The following BORCS7 variants were observed in gnomAD, a reference collection of about 807,000 sequenced individuals.
BORCS7 encodes BLOC-1 related complex subunit 7.
BORCS7 carries 20 observed loss-of-function variants against 17.5 expected under a neutral mutation model. That is an observed-to-expected ratio of 1.14 (90% CI 0.80 to 1.66). The LOEUF (loss-of-function observed/expected upper bound fraction) is 1.66. BORCS7 is among the 40% of genes most tolerant of loss of function. BORCS7 has a pLI of 0.00. For missense variants in BORCS7, 122 were observed against 129.7 expected (o/e 0.94, Z 0.29); for synonymous variants, 57 against 49.8 (o/e 1.14, Z -0.61).
chr10:102,861,894 A>G (rs17115168), intron 3 of BORCS7, among the ~76,000 whole-genome samples: 2,001 of 152,200 alleles, frequency 0.013, 31 homozygotes, highest in African/African-American at 0.04. Flanking sequence ...TACACAGACT[A>G]ATTTTAAGCC....
At chr10:102,860,273 GAGA>G (rs1410285839) in intron 1 of BORCS7, 56 bp from the exon 2 acceptor site, 31 of 1,468,890 alleles carry the variant, frequency 2.1e-5, no homozygotes, top group African/African-American at 2.8e-5. Context: ...CAGCTGCAGA[GAGA>G]AGATTACAGG....
chr10:102,861,738 AAAAC>A lies in BORCS7; in HGVS notation c.249-418_249-415del, dbSNP rs1474731698. On this transcript the variant is annotated intron_variant, in intron 3 of 4. Coordinates refer to ENST00000339834, the MANE Select transcript of BORCS7 (RefSeq NM_001136200.2). ...GTCTCAAAAAAAAAACAAAAAAACAAAAACAAAAGCAAACAAACAAAATATATAT... is the reference window on the plus strand; with the variant it reads ...GTCTCAAAAAAAAAACAAAAAAACAAAAAAGCAAACAAACAAAATATATAT... Among the ~76,000 whole-genome samples, 8 of 152,218 alleles carry A rather than the reference AAAAC, an allele frequency of 5.3e-5. No individual in the cohort carries two copies. In the East Asian group the frequency reaches 9.6e-4, roughly 18 times the overall value.
At chr10:102,862,774 C>T in intron 4 of BORCS7, 99 bp from the exon 5 acceptor site, 1 of 995,272 alleles carries the variant, frequency 1.0e-6, no homozygotes, top group Non-Finnish European at 1.6e-6. Context: ...ATAGTGAGAC[C>T]CTGTCTGTAA....
chr10:102,855,159 CTTT>C (rs945217993), intron 1 of BORCS7, among the ~76,000 whole-genome samples: 2 of 130,738 alleles, frequency 1.5e-5, no homozygotes, highest in Non-Finnish European at 3.3e-5. Flanking sequence ...AGTACTTTTC[CTTT>C]TTTTTTTTTT....
intron 1 of BORCS7, among the ~76,000 whole-genome samples, chr10:102,856,344 G>T (rs1431256262): frequency 2.6e-5 from 4 of 151,772 alleles, no homozygotes; most frequent in Non-Finnish European, 4.4e-5. Flanking sequence ...AAGCCCAGGG[G>T]TTCGAGACCA....
intron 1 of BORCS7, among the ~76,000 whole-genome samples, chr10:102,857,884 T>C (rs1468538644): frequency 1.3e-5 from 2 of 152,020 alleles, no homozygotes; most frequent in African/African-American, 4.8e-5. Context: ...AGGTGTAGGC[T>C]GGGCACGGTG....
rs60450831 is a variant in BORCS7, at chr10:102,863,349, G to GA, written c.*435dup. On this transcript the variant is annotated 3_prime_UTR_variant, in exon 5 of 5. Transcript: ENST00000339834. Reference sequence around the variant, plus strand: ...GATTCCATCTCCAAAAAAAAAAAAAGAAAAAAAAAAGAAAAGTTCTGTGTT... The same window carrying GA: ...GATTCCATCTCCAAAAAAAAAAAAAGAAAAAAAAAAAGAAAAGTTCTGTGTT... 22 of 90,632 alleles carry GA rather than the reference G, an allele frequency of 2.4e-4. No homozygotes were observed. Among genetic ancestry groups the GA allele is most frequent in the South Asian group, 5.4e-4 (2 of 3,712 alleles). 5.6% of individuals were successfully genotyped at this position (90,632 alleles called of 1,614,324 possible). A position where few individuals can be genotyped will look rare whatever the true frequency, so the allele number is the denominator to read the frequency against.
Position 102,854,398 on chromosome 10 carries a change from CAGGTG to C in BORCS7, c.113_117del (p.Gln38ProfsTer30). ...TACTGACGTAATCGCGCTCACCAAG[CAGGTG>C]CTGAAAGGCTCCCGGAGCTCCGAGG... On this transcript the variant is annotated frameshift_variant, in exon 1 of 5. Coordinates refer to ENST00000339834, the MANE Select transcript of BORCS7 (RefSeq NM_001136200.2). LOFTEE classifies it high-confidence loss of function. 1 of 1,551,678 alleles carries C rather than the reference CAGGTG, an allele frequency of 6.4e-7. No homozygotes were observed. The highest frequency in any genetic ancestry group is 1.2e-5 in the South Asian group (1 of 84,546).
At chr10:102,854,699 G>C (rs552251234) in intron 1 of BORCS7, among the ~76,000 whole-genome samples, 4 of 151,656 alleles carry the variant, frequency 2.6e-5, no homozygotes, top group Admixed American at 1.3e-4. Context: ...GATCACCTGA[G>C]GTCGGGAGTT....
At chr10:102,861,207 G>C (rs1035349452) in intron 3 of BORCS7, among the ~76,000 whole-genome samples, 2 of 151,998 alleles carry the variant, frequency 1.3e-5, no homozygotes, top group African/African-American at 4.8e-5. Context: ...CTGAGATCAG[G>C]GGTTCAAGAC....
chr10:102,856,653 G>A (rs559652167), intron 1 of BORCS7, among the ~76,000 whole-genome samples: 4 of 152,286 alleles, frequency 2.6e-5, no homozygotes, highest in African/African-American at 9.6e-5. Context: ...AATCTAAAAA[G>A]ATTCTGTAGT....
At chr10:102,855,793 C>T (rs186096745) in intron 1 of BORCS7, among the ~76,000 whole-genome samples, 1 of 152,296 alleles carries the variant, frequency 6.6e-6, no homozygotes, top group Admixed American at 6.5e-5. Flanking sequence ...GTCCCACTAG[C>T]TCTGTCACCC....
chr10:102,856,887 C>G (rs1200470686), intron 1 of BORCS7, among the ~76,000 whole-genome samples: 2 of 152,192 alleles, frequency 1.3e-5, no homozygotes, highest in Non-Finnish European at 2.9e-5. Context: ...TCTCACAAAT[C>G]CTTTGTTTCT....
intron 4 of BORCS7, 128 bp from the exon 5 acceptor site, chr10:102,862,745 T>G (rs2134101479): frequency 1.9e-4 from 143 of 739,450 alleles, no homozygotes; most frequent in Non-Finnish European, 2.3e-4. Context: ...GCCCAGAGTT[T>G]GAGATTGCCT....
chr10:102,862,787 GA>G (rs201278837), intron 4 of BORCS7, 85 bp from the exon 5 acceptor site: 2,102 of 1,202,380 alleles, frequency 1.7e-3, no homozygotes, highest in Non-Finnish European at 1.9e-3. Flanking sequence ...GTCTGTAATG[GA>G]AAAAAAAAAT....
At chr10:102,858,561 A>G (rs1052482632) in intron 1 of BORCS7, among the ~76,000 whole-genome samples, 1 of 151,920 alleles carries the variant, frequency 6.6e-6, no homozygotes, top group African/African-American at 2.4e-5. Flanking sequence ...GCTGCAGGAG[A>G]ATCTCTTGAA....
chr10:102,864,054 A>G lies in BORCS7; in HGVS notation c.*1130A>G, dbSNP rs1382071485. The G allele has an allele frequency of 2.0e-5, 3 of 152,252 alleles. No individual in the cohort carries two copies. Among genetic ancestry groups the G allele is most frequent in the Non-Finnish European group, 4.4e-5 (3 of 68,042 alleles). The allele number at this position is 152,252 out of a possible 1,614,324, so 9.4% of individuals were successfully genotyped here. On this transcript the variant is annotated 3_prime_UTR_variant, in exon 5 of 5. Coordinates refer to ENST00000339834, the MANE Select transcript of BORCS7 (RefSeq NM_001136200.2). ...ATCCATCTTTTTAAATGACATTACCATGAGTCTGTTGTCAAACCTAAATAT... is the reference window on the plus strand; with the variant it reads ...ATCCATCTTTTTAAATGACATTACCGTGAGTCTGTTGTCAAACCTAAATAT...
intron 1 of BORCS7, among the ~76,000 whole-genome samples, chr10:102,858,163 T>C (rs1307859103): frequency 3.3e-5 from 2 of 60,392 alleles, no homozygotes; most frequent in African/African-American, 1.1e-4. Context: ...AGACCATGTC[T>C]CAAAAAAAAA....
At position 102,860,342 on chromosome 10, in the gene BORCS7, A is replaced by G; in HGVS notation, c.152A>G (p.Gln51Arg). Residue 51 changes from glutamine (Q) to arginine (R), a missense_variant, in exon 2 of 5, where the codon CAG becomes CGG. Coordinates refer to ENST00000339834, the MANE Select transcript of BORCS7 (RefSeq NM_001136200.2). ...KGSRSSELLG[Q>R]AARNMVLQED... ...ATTTTTGTCTTCCAGCTGCTAGGTC[A>G]GGCAGCTCGAAACATGGTACTCCAG... is the stretch of plus-strand genomic sequence containing the variant. 6.2e-7 allele frequency: 1 copy of G among 1,614,062 alleles called. No individual in the cohort carries two copies. The highest frequency in any genetic ancestry group is 1.1e-5 in the South Asian group (1 of 91,080).
Sources: gnomAD v4.1 joint callset for allele counts (sites outside exome capture counted in the v4.1 genomes callset) on GRCh38, gnomAD v4.1.1 for gene constraint, MANE v1.5 for transcripts, NCBI Gene and HGNC (gene_info 2026-07-23, HGNC 2026-07-21) for gene names.